The following DOK4 variants were observed in gnomAD, a reference collection of about 807,000 sequenced individuals.
DOK4 encodes the protein downstream of tyrosine kinase 4.
In DOK4, 26 loss-of-function variants were observed where a neutral mutation model predicts 40.1. That is an observed-to-expected ratio of 0.65 (90% CI 0.48 to 0.90). The LOEUF (loss-of-function observed/expected upper bound fraction) is 0.90, where lower values mean the gene tolerates loss of function less well. Among genes scored for constraint, DOK4 ranks in the 40% least tolerant of loss-of-function variants. The pLI is 0.00. For missense variants in DOK4, 392 were observed against 437.2 expected (o/e 0.90, Z 0.92); for synonymous variants, 179 against 177.0 (o/e 1.01, Z -0.09).
In DOK4 at chr16:57,473,719, C is replaced by T. The variant is rs754136551; in HGVS notation, c.756G>A (p.Thr252=). 8.1e-6 allele frequency: 13 copies of T among 1,611,706 alleles called. No individual in the cohort carries two copies. The East Asian group carries it at 1.1e-4, about 14-fold the overall frequency. Residue 252 remains threonine, a synonymous_variant, in exon 8 of 9, where the codon ACG becomes ACA. Transcript: ENST00000340099. ...GTGTGCAGGGATACGAGTAATGTTC[C>T]GTGCCCTTGTTCAGCAGCTGTGGGG... is the stretch of plus-strand genomic sequence containing the variant.
intron 4 of DOK4, 62 bp downstream of exon 4, chr16:57,475,444 G>C (rs2031102692): frequency 6.7e-7 from 1 of 1,490,082 alleles, no homozygotes. Flanking sequence ...CCCGCTCCTA[G>C]CTGGACCTCT....
exon 9 of DOK4, chr16:57,473,050 T>G: frequency 2.8e-5 from 8 of 284,364 alleles, no homozygotes; most frequent in Non-Finnish European, 4.0e-5. Context: ...GGCCTGGTCA[T>G]GGGATTAAAA....
chr16:57,482,372 T>G (rs1322486285), intron 1 of DOK4, among the ~76,000 whole-genome samples: 5 of 138,842 alleles, frequency 3.6e-5, no homozygotes, highest in East Asian at 3.0e-4. Context: ...TGTTTTTTTT[T>G]TTTTTTTTTT....
chr16:57,479,706 A>G lies in DOK4; in HGVS notation c.-181-18T>C, dbSNP rs781641324. 1.8e-4 allele frequency: 96 copies of G among 535,154 alleles called. No homozygotes were observed. The highest frequency in any genetic ancestry group is 2.5e-4 in the Non-Finnish European group (75 of 300,418). The allele number at this position is 535,154 out of a possible 1,614,324, so 33.2% of individuals were successfully genotyped here. A position where few individuals can be genotyped will look rare whatever the true frequency, so the allele number is the denominator to read the frequency against. On this transcript the variant is annotated intron_variant, in intron 1 of 8. Coordinates refer to ENST00000340099, the Ensembl canonical transcript of DOK4. This position sits in a 1 kb window ranked among gnomAD's most constrained non-coding sequence, Gnocchi z 5.8. ...CGCGCCTGCTGGAAATAAAAATGAC[A>G]GGGAGATTAGAGACAGTGACATCTT...
chr16:57,482,198 G>A (rs541805084), intron 1 of DOK4, among the ~76,000 whole-genome samples: 207 of 152,170 alleles, frequency 1.4e-3, no homozygotes, highest in African/African-American at 4.7e-3. Flanking sequence ...GTCCTGCTCT[G>A]TCACCCAGGC....
rs13336466 is a variant in DOK4, at chr16:57,478,956, C to T, written c.66+486G>A. On this transcript the variant is annotated intron_variant, in intron 2 of 8. Coordinates refer to ENST00000340099, the Ensembl canonical transcript of DOK4. The stretch of plus-strand genomic sequence containing the variant: ...ACCAAAAATTTACTAAATATCTGCA[C>T]ACGGAAAGCAGTCAGAAGCAAGGGG... Among the ~76,000 whole-genome samples the T allele has an allele frequency of 2.2e-3, 337 of 152,198 alleles. 1 individual carries two copies. The highest frequency in any genetic ancestry group is 7.7e-3 in the African/African-American group (321 of 41,520).
chr16:57,480,538 T>G (rs1008316833), intron 1 of DOK4: 3 of 152,134 alleles, frequency 2.0e-5, no homozygotes, highest in Admixed American at 6.6e-5. Flanking sequence ...TCCGTGAGGG[T>G]GGGGCCCGGG....
Position 57,473,298 on chromosome 16 carries a change from T to C in DOK4, c.*79A>G, listed in dbSNP as rs995197318. ...TCCAGGCTCTTGGCCGACAGCCCCCTGAGGCTGTCCACGGTACACTGCAGC... is the reference window on the plus strand; with the variant it reads ...TCCAGGCTCTTGGCCGACAGCCCCCCGAGGCTGTCCACGGTACACTGCAGC... On this transcript the variant is annotated 3_prime_UTR_variant, in exon 9 of 9. Transcript: ENST00000340099. The C allele has an allele frequency of 8.3e-5, 126 of 1,519,916 alleles. 1 individual carries two copies. The highest frequency in any genetic ancestry group is 1.0e-4 in the South Asian group (8 of 76,880). 94.2% of individuals were successfully genotyped at this position (1,519,916 alleles called of 1,614,324 possible). A position where few individuals can be genotyped will look rare whatever the true frequency, so the allele number is the denominator to read the frequency against.
rs1183690607 is a variant in DOK4, at chr16:57,482,369, T to TG, written c.-181-2682_-181-2681insC. Among the ~76,000 whole-genome samples the TG allele has an allele frequency of 1.2e-4, 17 of 140,926 alleles. No homozygotes were observed. In the South Asian group the frequency reaches 1.2e-3, roughly 10 times the overall value. The allele number at this position is 140,926 out of a possible 152,430, so 92.5% of individuals were successfully genotyped here. On this transcript the variant is annotated intron_variant, in intron 1 of 8. Transcript: ENST00000340099. ...TTGTAGAGATGGGGCTTTTGTTTTT[T>TG]TTTTTTTTTTTTTTTGAGACGGAGT...
At position 57,479,472 on chromosome 16, in the gene DOK4, G is replaced by C; in HGVS notation, c.36C>G (p.Gly12=). Residue 12 remains glycine, a synonymous_variant, in exon 2 of 9, where the codon GGC becomes GGG. Coordinates refer to ENST00000340099, the Ensembl canonical transcript of DOK4. This position sits in a 1 kb window ranked among gnomAD's most constrained non-coding sequence, Gnocchi z 5.8. ...GCTTCCTGCTCTTCATCTTCACGTA[G>C]CCTTGCTTGACGATGTCACTGAAAT... is the stretch of plus-strand genomic sequence containing the variant. 3 of 1,613,804 alleles carry C rather than the reference G, an allele frequency of 1.9e-6. No individual in the cohort carries two copies. The highest frequency in any genetic ancestry group is 2.5e-6 in the Non-Finnish European group (3 of 1,179,962).
rs1216625799 is a variant in DOK4 at position 57,485,426 on chromosome 16, C to G, written c.-182+879G>C. Among the ~76,000 whole-genome samples, 1 of 152,192 alleles carries G rather than the reference C, an allele frequency of 6.6e-6. No individual in the cohort carries two copies. The highest frequency in any genetic ancestry group is 2.4e-5 in the African/African-American group (1 of 41,450). On this transcript the variant is annotated intron_variant, in intron 1 of 8. Transcript: ENST00000340099. The surrounding 1 kb of genome is among the most constrained non-coding windows in gnomAD (Gnocchi z 4.3). ...AGTTGGGGGTGGGGGCAGGAAGAGC[C>G]TGTACCAGCGCCACATCCCTCTGAA...
intron 6 of DOK4, 97 bp from the exon 7 acceptor site, chr16:57,474,136 T>G (rs753428329): frequency 6.5e-7 from 1 of 1,542,324 alleles, no homozygotes; most frequent in Non-Finnish European, 8.8e-7. Flanking sequence ...GTGGTTGCAT[T>G]CCAGGCCGGG....
At chr16:57,473,842 C>T (rs2031001713) in intron 7 of DOK4, 59 bp downstream of exon 7, 1 of 1,599,852 alleles carries the variant, frequency 6.3e-7, no homozygotes, top group Non-Finnish European at 8.5e-7. Context: ...GCACTTGGCC[C>T]TGCCTGCCCG....
At chr16:57,477,915 A>T (rs2031254935) in intron 2 of DOK4, among the ~76,000 whole-genome samples, 1 of 152,174 alleles carries the variant, frequency 6.6e-6, no homozygotes, top group African/African-American at 2.4e-5. Flanking sequence ...CTCCCCATCC[A>T]GGCTGTGCCC....
chr16:57,480,768 CA>C (rs1164785774), intron 1 of DOK4, among the ~76,000 whole-genome samples: 3 of 152,196 alleles, frequency 2.0e-5, no homozygotes, highest in African/African-American at 7.2e-5. Flanking sequence ...GACTCAGACT[CA>C]GGGGGAGGCT....
At chr16:57,482,363 G>GTTT (rs11390639) in intron 1 of DOK4, among the ~76,000 whole-genome samples, 1,078 of 92,958 alleles carry the variant, frequency 0.012, 7 homozygotes, top group Non-Finnish European at 0.015. Context: ...TGGGGCTTTT[G>GTTT]TTTTTTTTTT....
At chr16:57,475,695 T>TCC (rs568090003) in intron 3 of DOK4, 75 bp from the exon 4 acceptor site, 74 of 738,260 alleles carry the variant, frequency 1.0e-4, no homozygotes, top group Admixed American at 1.7e-4. Context: ...TCTCTCTCTC[T>TCC]CCCTCCCTCC....
At chr16:57,486,937 C>A (rs2031558126), upstream of DOK4, among the ~76,000 whole-genome samples, 1 of 152,212 alleles carries the variant, frequency 6.6e-6, no homozygotes, top group African/African-American at 2.4e-5. Flanking sequence ...TCTGCTACCC[C>A]TCCTCAAGTA....
At chr16:57,482,738 C>T (rs1190160266) in intron 1 of DOK4, among the ~76,000 whole-genome samples, 1 of 152,166 alleles carries the variant, frequency 6.6e-6, no homozygotes, top group African/African-American at 2.4e-5. Flanking sequence ...CCACAAGGCT[C>T]GGCCTCCCTG....
Sources: gnomAD v4.1 joint callset for allele counts (sites outside exome capture counted in the v4.1 genomes callset) on GRCh38, gnomAD v4.1.1 for gene constraint, Gnocchi (gnomAD v3.1) non-coding constraint, MANE v1.5 for transcripts, NCBI Gene and HGNC (gene_info 2026-07-23, HGNC 2026-07-21) for gene names.